CNTNAP3: variants seen among roughly 807,000 people sequenced by gnomAD.
CNTNAP3 encodes the protein contactin associated protein family member 3.
In CNTNAP3, 36 loss-of-function variants were observed where a neutral mutation model predicts 92.1. That is an observed-to-expected ratio of 0.39 (90% CI 0.30 to 0.52). CNTNAP3 has a LOEUF of 0.52. Among genes scored for constraint, CNTNAP3 ranks in the 20% least tolerant of loss-of-function variants. CNTNAP3 has a pLI of 0.76. For synonymous variants in CNTNAP3, 232 were observed against 422.3 expected (o/e 0.55, Z 5.53); for missense variants, 534 against 1,069.6 (o/e 0.50, Z 6.98).
At chr9:39,140,229 T>A (rs1821540829) in intron 12 of CNTNAP3, among the ~76,000 whole-genome samples, 1 of 149,184 alleles carries the variant, frequency 6.7e-6, no homozygotes, top group Non-Finnish European at 1.5e-5. Context: ...AGCATGTAAA[T>A]TACCGAATCA....
At chr9:39,153,559 TTCTCTC>T (rs756247272) in intron 9 of CNTNAP3, among the ~76,000 whole-genome samples, 1 of 18,802 alleles carries the variant, frequency 5.3e-5, no homozygotes, top group Middle Eastern at 8.2e-3. Flanking sequence ...TTCTCTTTCT[TTCTCTC>T]TCTCTCTCTT....
intron 22 of CNTNAP3, 101 bp from the exon 23 acceptor site, chr9:39,078,557 ACAT>A: frequency 6.4e-7 from 1 of 1,561,226 alleles, no homozygotes; most frequent in Admixed American, 1.9e-5. Context: ...TAAAATAAGA[ACAT>A]CACAAAAATG....
In CNTNAP3 at chr9:39,139,130, A is replaced by G. The variant is rs550862547; in HGVS notation, c.1876+1389T>C. ...ATGGGGCATCTAAAGAGAAGGTGAC[A>G]TTTTCTAGGGCAGAAAAGAGACCAG... On this transcript the variant is annotated intron_variant, in intron 12 of 23. Coordinates refer to ENST00000297668, the MANE Select transcript of CNTNAP3 (RefSeq NM_033655.5). Among the ~76,000 whole-genome samples the G allele has an allele frequency of 3.9e-5, 6 of 152,256 alleles. No homozygotes were observed. In the South Asian group the frequency reaches 1.0e-3, roughly 26 times the overall value.
At chr9:39,108,487 C>G (rs537654203) in intron 15 of CNTNAP3, among the ~76,000 whole-genome samples, 1 of 152,292 alleles carries the variant, frequency 6.6e-6, no homozygotes, top group African/African-American at 2.4e-5. Flanking sequence ...TGAGGTAGAG[C>G]AGGAAATAAA....
Position 39,241,685 on chromosome 9 carries a change from T to G in CNTNAP3, c.197-2499A>C, listed in dbSNP as rs1314051823. ...TATGGGGGTTTTTTTTGTTGTTGTTTTTTTTGTTTGTTTGTTTTGAGATGG... is the reference window on the plus strand; with the variant it reads ...TATGGGGGTTTTTTTTGTTGTTGTTGTTTTTGTTTGTTTGTTTTGAGATGG... On this transcript the variant is annotated intron_variant, in intron 2 of 23. Coordinates refer to ENST00000297668, the MANE Select transcript of CNTNAP3 (RefSeq NM_033655.5). Among the ~76,000 whole-genome samples the G allele has an allele frequency of 1.3e-3, 7 of 5,356 alleles. 3 individuals carry two copies. The highest frequency in any genetic ancestry group is 1.4e-3 in the African/African-American group (7 of 5,028). The allele number at this position is 5,356 out of a possible 152,430, so 3.5% of individuals were successfully genotyped here.
chr9:39,072,118 G>A lies in CNTNAP3; in HGVS notation c.*1772C>T, dbSNP rs1169993736. On this transcript the variant is annotated 3_prime_UTR_variant, in exon 24 of 24. Coordinates refer to ENST00000297668, the MANE Select transcript of CNTNAP3 (RefSeq NM_033655.5). ...GCATCCGTTTCGCTGTCTTGCAAAA[G>A]GTGCAGTGACCAATGGGCTGTCTGT... 9.6e-4 allele frequency among the ~76,000 whole-genome samples: 107 copies of A among 111,278 alleles called. No individual in the cohort carries two copies. Among genetic ancestry groups the A allele is most frequent in the Middle Eastern group, 7.5e-3 (2 of 268 alleles). The allele number at this position is 111,278 out of a possible 152,430, so 73.0% of individuals were successfully genotyped here. A position where few individuals can be genotyped will look rare whatever the true frequency, so the allele number is the denominator to read the frequency against.
chr9:39,085,845 G>A (rs1291547782), intron 20 of CNTNAP3, 22 bp from the exon 21 acceptor site: 2 of 1,519,698 alleles, frequency 1.3e-6, no homozygotes, highest in South Asian at 1.1e-5. Context: ...CCCATGAGAA[G>A]CAAACATCAA....
At chr9:39,110,292 A>G (rs950126822) in intron 14 of CNTNAP3, among the ~76,000 whole-genome samples, 1 of 152,052 alleles carries the variant, frequency 6.6e-6, no homozygotes, top group African/African-American at 2.4e-5. Context: ...GCTACATGGG[A>G]GGCTGAGGTG....
intron 23 of CNTNAP3, among the ~76,000 whole-genome samples, chr9:39,075,169 T>C (rs1258160895): frequency 6.6e-6 from 1 of 152,044 alleles, no homozygotes; most frequent in Non-Finnish European, 1.5e-5. Context: ...TTACCTGGAA[T>C]GTGGATTATT....
chr9:39,089,074 T>C (rs1379075197), intron 18 of CNTNAP3, among the ~76,000 whole-genome samples: 1 of 151,888 alleles, frequency 6.6e-6, no homozygotes, highest in Non-Finnish European at 1.5e-5. Flanking sequence ...TGTAAAATTC[T>C]ATGTCTTTTA....
At position 39,097,457 on chromosome 9, in the gene CNTNAP3, C is replaced by A. The variant is rs570883996; in HGVS notation, c.2995+2454G>T. On this transcript the variant is annotated intron_variant, in intron 18 of 23. Transcript: ENST00000297668. ...TGCCTCTCCTGGTGGAGAAACTGTT[C>A]CTTACAAGTAAGCTGGAGTGAGGGC... Among the ~76,000 whole-genome samples the A allele has an allele frequency of 8.7e-4, 133 of 152,056 alleles. 1 individual carries two copies. The highest frequency in any genetic ancestry group is 3.2e-3 in the African/African-American group (131 of 41,446).
intron 17 of CNTNAP3, among the ~76,000 whole-genome samples, chr9:39,101,665 G>C (rs915427003): frequency 6.0e-5 from 9 of 149,180 alleles, no homozygotes; most frequent in Non-Finnish European, 1.0e-4. Flanking sequence ...GGCCGCGGGG[G>C]AGGTGCGCAG....
chr9:39,180,780 C>T (rs1822430063), intron 4 of CNTNAP3, among the ~76,000 whole-genome samples: 1 of 150,344 alleles, frequency 6.7e-6, no homozygotes, highest in Non-Finnish European at 1.5e-5. Context: ...AGGGACAACT[C>T]CCATGTAGTC....
chr9:39,225,829 T>A lies in CNTNAP3; in HGVS notation c.390+13164A>T, dbSNP rs937314365. Among the ~76,000 whole-genome samples the A allele has an allele frequency of 5.7e-3, 182 of 31,724 alleles. 21 individuals carry two copies. The highest frequency in any genetic ancestry group is 8.2e-3 in the African/African-American group (169 of 20,676). 20.8% of individuals were successfully genotyped at this position (31,724 alleles called of 152,430 possible). On this transcript the variant is annotated intron_variant, in intron 3 of 23. Coordinates refer to ENST00000297668, the MANE Select transcript of CNTNAP3 (RefSeq NM_033655.5). ...TCCTCTCTCTCTCTATCCCTCTATC[T>A]CTTTCTTTACAATAAAAACTTGCTC...
rs1587699308 is a variant in CNTNAP3 at position 39,086,568 on chromosome 9, C to T, written c.3354+148G>A. The T allele has an allele frequency of 1.9e-5, 19 of 997,720 alleles. No individual in the cohort carries two copies. The East Asian group carries it at 5.3e-4, about 28-fold the overall frequency. The allele number at this position is 997,720 out of a possible 1,614,324, so 61.8% of individuals were successfully genotyped here. On this transcript the variant is annotated intron_variant, in intron 20 of 23. Coordinates refer to ENST00000297668, the MANE Select transcript of CNTNAP3 (RefSeq NM_033655.5). ...AACAACCACCTCCTCTCTCCCAGAT[C>T]CTGGCCATATTTGGCTTCTTCTTGA...
At chr9:39,126,251 C>T (rs1451614870) in intron 13 of CNTNAP3, among the ~76,000 whole-genome samples, 1 of 152,050 alleles carries the variant, frequency 6.6e-6, no homozygotes, top group African/African-American at 2.4e-5. Flanking sequence ...AATAATAAAA[C>T]ATGGTGAAAG....
At chr9:39,113,425 T>G (rs1820758814) in intron 14 of CNTNAP3, among the ~76,000 whole-genome samples, 1 of 152,170 alleles carries the variant, frequency 6.6e-6, no homozygotes. Context: ...TGGTAATTAT[T>G]TTAAGATTTT....
chr9:39,159,216 G>A (rs1755740), intron 9 of CNTNAP3: 131 of 149,232 alleles, frequency 8.8e-4, no homozygotes, highest in South Asian at 2.4e-3. Context: ...CATTTCTGTC[G>A]CTGTGTCCCT....
rs1322465705 is a variant in CNTNAP3, at chr9:39,070,372, G to C, written c.*3518C>G. Among the ~76,000 whole-genome samples, 2 of 133,352 alleles carry C rather than the reference G, an allele frequency of 1.5e-5. No homozygotes were observed. Among genetic ancestry groups the C allele is most frequent in the Non-Finnish European group, 3.1e-5 (2 of 64,040 alleles). 87.5% of individuals were successfully genotyped at this position (133,352 alleles called of 152,430 possible). A position where few individuals can be genotyped will look rare whatever the true frequency, so the allele number is the denominator to read the frequency against. The stretch of plus-strand genomic sequence containing the variant: ...CCTGTCACTTGCGACAGCATGGATG[G>C]AACTGGAGGTCATTATGTTAAGTGA... On this transcript the variant is annotated 3_prime_UTR_variant, in exon 24 of 24. Coordinates refer to ENST00000297668, the MANE Select transcript of CNTNAP3 (RefSeq NM_033655.5).
Sources: allele counts gnomAD v4.1 joint callset (sites outside exome capture counted in the v4.1 genomes callset), GRCh38; gene constraint gnomAD v4.1.1; transcripts MANE v1.5; gene names NCBI Gene and HGNC (gene_info 2026-07-23, HGNC 2026-07-21).